The following OXR1 variants were observed in gnomAD, a reference collection of about 807,000 sequenced individuals.
OXR1 encodes oxidation resistance protein 1.
OXR1 carries 41 observed loss-of-function variants against 104.6 expected under a neutral mutation model. The ratio of observed to expected loss-of-function variants is 0.39; its 90% CI spans 0.31 to 0.51. The LOEUF is 0.51. Among genes scored for constraint, OXR1 ranks in the 20% least tolerant of loss-of-function variants. OXR1 has a pLI of 0.77. For synonymous variants in OXR1, 348 were observed against 348.4 expected, an observed-to-expected ratio of 1.00 and a Z score of 0.01; for missense variants, 955 against 1,031.9, an observed-to-expected ratio of 0.93 and a Z score of 1.02.
intron 2 of OXR1, among the ~76,000 whole-genome samples, chr8:106,393,271 T>C (rs1258730529): frequency 6.6e-6 from 1 of 152,206 alleles, no homozygotes; most frequent in Non-Finnish European, 1.5e-5. Context: ...TTCCTAATGG[T>C]AAATTGATAA....
intron 12 of OXR1, among the ~76,000 whole-genome samples, chr8:106,738,392 G>A (rs768609552): frequency 6.6e-6 from 1 of 151,734 alleles, no homozygotes; most frequent in Non-Finnish European, 1.5e-5. Context: ...TTAGCTTCTT[G>A]TCAAAAAACA....
chr8:106,620,326 A>G (rs1053004548), intron 3 of OXR1, among the ~76,000 whole-genome samples: 3 of 151,896 alleles, frequency 2.0e-5, no homozygotes, highest in Middle Eastern at 6.8e-3. Context: ...TTTTTTTTCA[A>G]TCTTTCTTTC....
At chr8:106,558,764 C>T (rs372262291) in intron 3 of OXR1, among the ~76,000 whole-genome samples, 1 of 152,110 alleles carries the variant, frequency 6.6e-6, no homozygotes, top group East Asian at 1.9e-4. Flanking sequence ...TGAGATGAAT[C>T]ACATAGGATG....
intron 3 of OXR1, among the ~76,000 whole-genome samples, chr8:106,557,382 G>T (rs1816359844): frequency 6.6e-6 from 1 of 152,062 alleles, no homozygotes; most frequent in Admixed American, 6.6e-5. Context: ...ATAGTTTGGG[G>T]TTATGTTATT....
chr8:106,692,174 A>G (rs1233066740), intron 6 of OXR1, among the ~76,000 whole-genome samples: 1 of 152,074 alleles, frequency 6.6e-6, no homozygotes, highest in East Asian at 1.9e-4. Flanking sequence ...AATGGTCAGT[A>G]GCACCAAAAA....
intron 2 of OXR1, among the ~76,000 whole-genome samples, chr8:106,398,401 T>C (rs1308930187): frequency 1.3e-5 from 2 of 152,102 alleles, no homozygotes; most frequent in Non-Finnish European, 2.9e-5. Flanking sequence ...TGATTCCTGT[T>C]TGCAACAGGA....
chr8:106,444,684 T>C (rs763916489), intron 2 of OXR1, among the ~76,000 whole-genome samples: 1 of 151,944 alleles, frequency 6.6e-6, no homozygotes, highest in Non-Finnish European at 1.5e-5. Context: ...CCAGGGATTG[T>C]TGGGGGTGGG....
rs562144712 is a variant in OXR1 at position 106,720,500 on chromosome 8, A to G, written c.1956+6515A>G. Among the ~76,000 whole-genome samples the G allele has an allele frequency of 2.6e-5, 4 of 152,344 alleles. No homozygotes were observed. The East Asian group carries it at 7.7e-4, about 29-fold the overall frequency. On this transcript the variant is annotated intron_variant, in intron 11 of 16. Coordinates refer to ENST00000517566, the MANE Select transcript of OXR1 (RefSeq NM_001198533.2). ...GAGTTCCTGTCATGCAAGTTATATGAAATACTTTTCATATTCCTTTCATCT... is the reference window on the plus strand; with the variant it reads ...GAGTTCCTGTCATGCAAGTTATATGGAATACTTTTCATATTCCTTTCATCT...
intron 2 of OXR1, among the ~76,000 whole-genome samples, chr8:106,386,957 G>A (rs1817396757): frequency 6.6e-6 from 1 of 152,164 alleles, no homozygotes; most frequent in African/African-American, 2.4e-5. Context: ...AGGTGGGAAT[G>A]AAACAGCAGG....
chr8:106,533,599 T>C (rs934707309), intron 3 of OXR1, among the ~76,000 whole-genome samples: 7 of 152,140 alleles, frequency 4.6e-5, no homozygotes, highest in African/African-American at 1.4e-4. Context: ...CTTTCTCCTA[T>C]ATTATTTTGG....
intron 1 of OXR1, among the ~76,000 whole-genome samples, chr8:106,279,151 T>G (rs989665483): frequency 6.6e-6 from 1 of 152,164 alleles, no homozygotes; most frequent in Non-Finnish European, 1.5e-5. Context: ...TTTGCCAGCA[T>G]GTTTTTAAAT....
At chr8:106,518,677 G>A (rs913527922) in intron 2 of OXR1, among the ~76,000 whole-genome samples, 4 of 151,730 alleles carry the variant, frequency 2.6e-5, no homozygotes, top group Admixed American at 6.6e-5. Context: ...ATTTTAATTG[G>A]TTATTGAAAA....
At chr8:106,302,585 CAA>C (rs201231695) in intron 1 of OXR1, among the ~76,000 whole-genome samples, 11 of 125,458 alleles carry the variant, frequency 8.8e-5, no homozygotes, top group East Asian at 2.3e-4. Context: ...GATGCTGTCT[CAA>C]AAAAAAAAAA....
intron 2 of OXR1, among the ~76,000 whole-genome samples, chr8:106,425,354 G>A (rs1453858530): frequency 2.0e-5 from 3 of 151,982 alleles, no homozygotes; most frequent in Non-Finnish European, 1.5e-5. Flanking sequence ...ATGGGCCAAT[G>A]TGCCCAGTGG....
At chr8:106,488,473 G>T (rs1215779111) in intron 2 of OXR1, among the ~76,000 whole-genome samples, 1 of 151,822 alleles carries the variant, frequency 6.6e-6, no homozygotes, top group Non-Finnish European at 1.5e-5. Context: ...ATTGCTTTTG[G>T]TGTTTTAGAC....
intron 3 of OXR1, 149 bp downstream of exon 3, chr8:106,519,288 G>C (rs576003055): frequency 1.6e-6 from 1 of 632,640 alleles, no homozygotes; most frequent in African/African-American, 1.8e-5. Context: ...TATGTGGTCT[G>C]AACATAAAGA....
chr8:106,318,415 C>T (rs1228851057), intron 1 of OXR1, among the ~76,000 whole-genome samples: 4 of 152,166 alleles, frequency 2.6e-5, no homozygotes, highest in Admixed American at 2.6e-4. Context: ...CTCAGAGCCT[C>T]GAGGAAAATG....
At chr8:106,291,325 C>G (rs1395263286) in intron 1 of OXR1, among the ~76,000 whole-genome samples, 1 of 152,080 alleles carries the variant, frequency 6.6e-6, no homozygotes, top group Non-Finnish European at 1.5e-5. Flanking sequence ...AAAAAACTAC[C>G]TATTGGGTAT....
intron 3 of OXR1, among the ~76,000 whole-genome samples, chr8:106,676,248 C>A (rs1196996872): frequency 6.6e-6 from 1 of 152,040 alleles, no homozygotes; most frequent in Non-Finnish European, 1.5e-5. Context: ...TATCAATGTT[C>A]TTGGTGTCTT....
Sources: allele counts gnomAD v4.1 joint callset (sites outside exome capture counted in the v4.1 genomes callset), GRCh38; gene constraint gnomAD v4.1.1; transcripts MANE v1.5; gene names NCBI Gene and HGNC (gene_info 2026-07-23, HGNC 2026-07-21).